COLQ: variants seen among roughly 807,000 people sequenced by gnomAD.
COLQ encodes acetylcholinesterase collagenic tail peptide.
A neutral mutation model predicts 69.0 loss-of-function variants in COLQ; 48 were observed. That is an observed-to-expected ratio of 0.70 (90% confidence interval 0.55 to 0.88). COLQ has a LOEUF of 0.88. Among genes scored for constraint, COLQ ranks in the 40% least tolerant of loss-of-function variants. COLQ has a pLI of 0.00. For synonymous variants in COLQ, 217 were observed against 211.2 expected, an observed-to-expected ratio of 1.03 and a Z score of -0.24; for missense variants, 618 against 594.6, an observed-to-expected ratio of 1.04 and a Z score of -0.41.
chr3:15,479,253 C>T (rs192508870), intron 4 of COLQ, 85 bp downstream of exon 4: 366 of 1,455,588 alleles, frequency 2.5e-4, no homozygotes, highest in Admixed American at 3.2e-4. Context: ...TTGGAAATCT[C>T]AACTAGGAAA....
At chr3:15,485,126 C>T (rs981855669) in intron 3 of COLQ, among the ~76,000 whole-genome samples, 1 of 152,164 alleles carries the variant, frequency 6.6e-6, no homozygotes, top group Non-Finnish European at 1.5e-5. Flanking sequence ...CAGTCAGGAC[C>T]CTCTGCTGCA....
chr3:15,490,342 C>T (rs1469944177), intron 1 of COLQ, among the ~76,000 whole-genome samples: 2 of 152,206 alleles, frequency 1.3e-5, no homozygotes, highest in Non-Finnish European at 1.5e-5. Context: ...TACAGTTCAA[C>T]AGATCTCCAT....
Position 15,466,411 on chromosome 3 carries a change from C to T in COLQ, c.744G>A (p.Met248Ile), listed in dbSNP as rs1424691135. 1.2e-6 allele frequency: 2 copies of T among 1,614,132 alleles called. No individual in the cohort carries two copies. Among genetic ancestry groups the T allele is most frequent in the Non-Finnish European group, 1.7e-6 (2 of 1,180,036 alleles). Residue 248 changes from methionine to isoleucine, a missense_variant, in exon 12 of 17, where the codon ATG becomes ATA. Physicochemically the swap from Met to Ile is conservative, Grantham distance 10. Coordinates refer to ENST00000383788, the MANE Select transcript of COLQ (RefSeq NM_005677.4). ...AAGGCCCAGGCTTGCCTGGTGGGCC[C>T]ATAACTCCACTATCCCCTTTCTGTC... ...KQGQKGDSGVMGPPGKPGPSG... is the reference protein window; with the variant it reads ...KQGQKGDSGVIGPPGKPGPSG...
chr3:15,514,760 G>T (rs2063035341), intron 1 of COLQ, among the ~76,000 whole-genome samples: 1 of 152,224 alleles, frequency 6.6e-6, no homozygotes, highest in Non-Finnish European at 1.5e-5. Context: ...CCCAGAGGGG[G>T]CTAGAGAGGT....
intron 3 of COLQ, among the ~76,000 whole-genome samples, chr3:15,484,771 T>C (rs563145963): frequency 6.2e-4 from 94 of 152,292 alleles, no homozygotes; most frequent in African/African-American, 2.2e-3. Flanking sequence ...CTCCAACAGG[T>C]CATTTAAGGT....
chr3:15,483,469 T>C (rs1384489656), intron 3 of COLQ, among the ~76,000 whole-genome samples: 4 of 152,274 alleles, frequency 2.6e-5, no homozygotes, highest in Non-Finnish European at 5.9e-5. Flanking sequence ...TTTCATTATG[T>C]ACCCAGTAGT....
chr3:15,466,523 T>C (rs2125103787), intron 11 of COLQ, 86 bp from the exon 12 acceptor site: 5 of 1,191,230 alleles, frequency 4.2e-6, no homozygotes, highest in Middle Eastern at 1.9e-4. Flanking sequence ...GAGATCACCT[T>C]GCACTTAAGG....
At chr3:15,484,198 T>C (rs1329720098) in intron 3 of COLQ, among the ~76,000 whole-genome samples, 1 of 4,178 alleles carries the variant, frequency 2.4e-4, no homozygotes, top group Non-Finnish European at 3.9e-4. Context: ...AACTGGAGCA[T>C]TTACCCATTT....
chr3:15,512,099 TC>T (rs917668059), intron 1 of COLQ, among the ~76,000 whole-genome samples: 45 of 152,096 alleles, frequency 3.0e-4, no homozygotes, highest in African/African-American at 1.1e-3. Flanking sequence ...AGGACAGAAC[TC>T]CCAGCAGCAG....
intron 1 of COLQ, among the ~76,000 whole-genome samples, chr3:15,519,039 T>G (rs779822996): frequency 1.9e-4 from 29 of 152,200 alleles, no homozygotes; most frequent in Non-Finnish European, 3.7e-4. Context: ...CAGCTTCCAT[T>G]TTTTTAAAGC....
At chr3:15,478,903 C>G in intron 5 of COLQ, 74 bp downstream of exon 5, 1 of 1,576,438 alleles carries the variant, frequency 6.3e-7, no homozygotes, top group Non-Finnish European at 8.7e-7. Flanking sequence ...GCTGTTCCCC[C>G]CTCCCTAGGA....
chr3:15,516,393 G>A (rs1341829106), intron 1 of COLQ, among the ~76,000 whole-genome samples: 1 of 152,154 alleles, frequency 6.6e-6, no homozygotes, highest in Non-Finnish European at 1.5e-5. Flanking sequence ...ATCCCAGCAG[G>A]CAACAGGAGA....
At chr3:15,474,125 G>A in intron 9 of COLQ, 90 bp from the exon 10 acceptor site, 1 of 1,599,692 alleles carries the variant, frequency 6.3e-7, no homozygotes, top group African/African-American at 1.3e-5. Flanking sequence ...TTTCAAGATG[G>A]AGGCCTGTCC....
intron 12 of COLQ, among the ~76,000 whole-genome samples, chr3:15,458,985 G>C (rs901791966): frequency 2.0e-5 from 3 of 151,762 alleles, no homozygotes; most frequent in Admixed American, 2.0e-4. Context: ...CTGGGATTAC[G>C]GGTGTGTGCC....
At chr3:15,482,431 T>G (rs1407798289) in intron 3 of COLQ, among the ~76,000 whole-genome samples, 1 of 152,232 alleles carries the variant, frequency 6.6e-6, no homozygotes, top group Non-Finnish European at 1.5e-5. Flanking sequence ...GGCTGTTGAA[T>G]TTTGTCAAAG....
chr3:15,474,357 C>T, intron 8 of COLQ, 85 bp from the exon 9 acceptor site: 1 of 1,361,790 alleles, frequency 7.3e-7, no homozygotes, highest in Non-Finnish European at 1.1e-6. Context: ...GCTCCCTAAA[C>T]CAAAACCCTC....
chr3:15,488,400 C>T, intron 2 of COLQ, 93 bp from the exon 3 acceptor site: 1 of 1,055,032 alleles, frequency 9.5e-7, no homozygotes, highest in South Asian at 1.3e-5. Context: ...GGGATCAGGT[C>T]TCTAAGCCTG....
chr3:15,502,589 T>C (rs2062846783), intron 1 of COLQ, among the ~76,000 whole-genome samples: 1 of 152,180 alleles, frequency 6.6e-6, no homozygotes, highest in African/African-American at 2.4e-5. Context: ...GTTTTTTGTA[T>C]TTTTAGTAGA....
chr3:15,504,031 CT>C (rs2062869132), intron 1 of COLQ, among the ~76,000 whole-genome samples: 1 of 152,006 alleles, frequency 6.6e-6, no homozygotes, highest in Non-Finnish European at 1.5e-5. Flanking sequence ...TAAACAATCT[CT>C]GATTATCCCG....
Sources: allele counts gnomAD v4.1 joint callset (sites outside exome capture counted in the v4.1 genomes callset), GRCh38; gene constraint gnomAD v4.1.1; transcripts MANE v1.5; gene names NCBI Gene and HGNC (gene_info 2026-07-23, HGNC 2026-07-21).